Variants in CDK13 observed in about 807,000 individuals in gnomAD.
The protein encoded by CDK13 is cyclin-dependent kinase 13.
In CDK13, 40 loss-of-function variants were observed where a neutral mutation model predicts 137.6. The ratio of observed to expected loss-of-function variants is 0.29; its 90% CI spans 0.23 to 0.38. The LOEUF (loss-of-function observed/expected upper bound fraction) is 0.38, where lower values mean the gene tolerates loss of function less well. CDK13 is among the 10% of genes least tolerant of loss of function. The probability of loss-of-function intolerance (pLI) is 1.00; values close to 1 mark genes in which losing one functional copy is unlikely to be tolerated. For synonymous variants in CDK13, 869 were observed against 760.1 expected (o/e 1.14, Z -2.36); for missense variants, 1,704 against 1,951.8 (o/e 0.87, Z 2.39).
At chr7:40,065,847 C>T (rs1051919365) in intron 9 of CDK13, among the ~76,000 whole-genome samples, 7 of 151,900 alleles carry the variant, frequency 4.6e-5, no homozygotes, top group African/African-American at 1.5e-4. Context: ...CACATATATG[C>T]AATATAAATT....
Position 39,987,968 on chromosome 7 carries a change from A to C in CDK13, c.1581A>C (p.Ser527=). ...KIKIEHAPSP[S]SGGTLKNDKA... is the part of the protein sequence containing the mutation. The stretch of plus-strand genomic sequence containing the variant: ...AAATTGAACATGCACCTTCTCCCTC[A>C]AGTGGTGGAACTTTAAAAAATGACA... Residue 527 remains serine, a synonymous_variant, in exon 2 of 14, where the codon TCA becomes TCC. Transcript: ENST00000181839. 6.2e-7 allele frequency: 1 copy of C among 1,614,186 alleles called. No homozygotes were observed. The highest frequency in any genetic ancestry group is 8.5e-7 in the Non-Finnish European group (1 of 1,180,014).
At chr7:40,036,046 C>G (rs1785475171) in intron 5 of CDK13, among the ~76,000 whole-genome samples, 2 of 151,844 alleles carry the variant, frequency 1.3e-5, no homozygotes, top group South Asian at 2.1e-4. Context: ...CACCTTTAGT[C>G]CCAGCTGCTG....
At chr7:39,971,381 G>A (rs1387843814) in intron 1 of CDK13, among the ~76,000 whole-genome samples, 1 of 152,048 alleles carries the variant, frequency 6.6e-6, no homozygotes, top group Non-Finnish European at 1.5e-5. Context: ...GCTGGGTGTG[G>A]TGATGTGCAC....
At chr7:40,086,774 T>A (rs798860) in intron 11 of CDK13, among the ~76,000 whole-genome samples, 146,546 of 151,306 alleles carry the variant, frequency 0.97, 71,003 homozygotes, top group East Asian at 1. Context: ...CTTTTACTGT[T>A]AAGTTCTTCA....
chr7:40,090,946 C>T (rs1786907428), intron 12 of CDK13, among the ~76,000 whole-genome samples: 2 of 152,042 alleles, frequency 1.3e-5, no homozygotes, highest in Admixed American at 6.5e-5. Context: ...CATGGTGGCT[C>T]ATGCCTGTAA....
chr7:40,094,117 C>G lies in CDK13; in HGVS notation c.3689-13C>G, dbSNP rs1186126562. On this transcript the variant is annotated splice_polypyrimidine_tract_variant and intron_variant, in intron 13 of 13. Transcript: ENST00000181839. ...GGTAACTTTTGACCTTGTTTTTGCTCTGTTTCACTTAGGACAAGATGACCT... is the reference window on the plus strand; with the variant it reads ...GGTAACTTTTGACCTTGTTTTTGCTGTGTTTCACTTAGGACAAGATGACCT... 6.2e-7 allele frequency: 1 copy of G among 1,608,114 alleles called. No individual in the cohort carries two copies. Among genetic ancestry groups the G allele is most frequent in the Non-Finnish European group, 8.5e-7 (1 of 1,178,416 alleles).
At chr7:40,062,350 A>C (rs1211670987) in intron 7 of CDK13, 3 of 154,504 alleles carry the variant, frequency 1.9e-5, no homozygotes, top group African/African-American at 7.3e-5. Context: ...CAGTGACGCT[A>C]TCTTGGCTCA....
At chr7:40,019,464 G>C (rs1203857793) in intron 5 of CDK13, among the ~76,000 whole-genome samples, 2 of 152,132 alleles carry the variant, frequency 1.3e-5, no homozygotes, top group African/African-American at 2.4e-5. Context: ...AATTTGTAGG[G>C]GTGGCCAGCA....
chr7:39,957,090 C>CGTGTGTGTGT lies in CDK13; in HGVS notation c.1211+5271_1211+5280dup, dbSNP rs70996865. On this transcript the variant is annotated intron_variant, in intron 1 of 13. Coordinates refer to ENST00000181839, the MANE Select transcript of CDK13 (RefSeq NM_003718.5). ...AAACTCAGCTCAAAAATCCCACTGT[C>CGTGTGTGTGT]GTGTGTGTGTGTGTGTGTGTGTGTG... is the stretch of plus-strand genomic sequence containing the variant. Among the ~76,000 whole-genome samples, 599 of 140,998 alleles carry CGTGTGTGTGT rather than the reference C, an allele frequency of 4.2e-3. 5 individuals carry two copies. Among genetic ancestry groups the CGTGTGTGTGT allele is most frequent in the African/African-American group, 0.014 (536 of 37,488 alleles). The allele number at this position is 140,998 out of a possible 152,430, so 92.5% of individuals were successfully genotyped here. A position where few individuals can be genotyped will look rare whatever the true frequency, so the allele number is the denominator to read the frequency against.
intron 7 of CDK13, among the ~76,000 whole-genome samples, chr7:40,050,499 CTCCAGCTTCAGCCT>C (rs1157713138): frequency 6.6e-6 from 1 of 152,222 alleles, no homozygotes; most frequent in South Asian, 2.1e-4. Context: ...TCTAGCGATT[CTCCAGCTTCAGCCT>C]TCCGAGTAGC....
chr7:39,962,837 C>T (rs1175578946), intron 1 of CDK13, among the ~76,000 whole-genome samples: 1 of 152,224 alleles, frequency 6.6e-6, no homozygotes. Context: ...CAGCTTTCTA[C>T]ATAATGCTAG....
chr7:40,074,053 C>T (rs1259447525), intron 9 of CDK13, among the ~76,000 whole-genome samples: 1 of 152,036 alleles, frequency 6.6e-6, no homozygotes, highest in Non-Finnish European at 1.5e-5. Flanking sequence ...AGGTGTGCGC[C>T]ACCATGCCCA....
At chr7:40,030,422 ATTTTTTTTTTT>A (rs34922492) in intron 5 of CDK13, among the ~76,000 whole-genome samples, 7 of 65,990 alleles carry the variant, frequency 1.1e-4, no homozygotes, top group South Asian at 6.8e-4. Flanking sequence ...GCAACCACTG[ATTTTTTTTTTT>A]TTTTTTTTTT....
intron 1 of CDK13, among the ~76,000 whole-genome samples, chr7:39,979,623 G>A (rs1301968807): frequency 3.9e-5 from 6 of 152,076 alleles, no homozygotes; most frequent in Admixed American, 6.6e-5. Context: ...GTGGTAGGCC[G>A]AATAATACTC....
At chr7:40,057,326 A>G (rs1010823675) in intron 7 of CDK13, among the ~76,000 whole-genome samples, 5 of 152,216 alleles carry the variant, frequency 3.3e-5, no homozygotes, top group African/African-American at 4.8e-5. Context: ...CCATACCACC[A>G]AGTCAAATGG....
At chr7:40,076,347 T>A (rs1786544059) in intron 9 of CDK13, among the ~76,000 whole-genome samples, 1 of 152,158 alleles carries the variant, frequency 6.6e-6, no homozygotes, top group African/African-American at 2.4e-5. Flanking sequence ...ACAGAAGACT[T>A]TTATTAATTA....
At chr7:40,022,198 T>C (rs1472856209) in intron 5 of CDK13, among the ~76,000 whole-genome samples, 1 of 152,204 alleles carries the variant, frequency 6.6e-6, no homozygotes, top group African/African-American at 2.4e-5. Flanking sequence ...GGGTTTGAGA[T>C]ATATATTTGG....
intron 5 of CDK13, among the ~76,000 whole-genome samples, chr7:40,039,434 ATTTT>A (rs976319927): frequency 0.018 from 1,508 of 85,024 alleles, 47 homozygotes; most frequent in African/African-American, 0.08. Context: ...TGCCCGGCTA[ATTTT>A]TTTTTTTTTT....
intron 1 of CDK13, among the ~76,000 whole-genome samples, chr7:39,975,966 A>G (rs181629899): frequency 1.2e-4 from 19 of 152,310 alleles, no homozygotes; most frequent in East Asian, 5.8e-4. Context: ...GTGATCAGCA[A>G]ATAGGGAAGT....
Sources: allele counts gnomAD v4.1 joint callset (sites outside exome capture counted in the v4.1 genomes callset), GRCh38; gene constraint gnomAD v4.1.1; transcripts MANE v1.5; gene names NCBI Gene and HGNC (gene_info 2026-07-23, HGNC 2026-07-21).